The following TTC39B variants were observed in gnomAD, a reference collection of about 807,000 sequenced individuals.
The protein encoded by TTC39B is tetratricopeptide repeat protein 39B.
Under a neutral mutation model 96.6 loss-of-function variants are expected in TTC39B, and 92 were observed. The ratio of observed to expected loss-of-function variants is 0.95; its 90% confidence interval spans 0.80 to 1.13. The LOEUF is 1.13. Ranked by LOEUF, TTC39B falls within the 50% of genes most tolerant of loss-of-function variation. The pLI is 0.00. For synonymous variants in TTC39B, 367 were observed against 299.4 expected (o/e 1.23, Z -2.33); for missense variants, 955 against 809.3 (o/e 1.18, Z -2.18).
At chr9:15,249,983 T>C in intron 2 of TTC39B, 1 of 1,287,098 alleles carries the variant, frequency 7.8e-7, no homozygotes, top group Non-Finnish European at 1.0e-6. Context: ...TCTTTCCCTC[T>C]CTTCTACCAG....
intron 2 of TTC39B, among the ~76,000 whole-genome samples, chr9:15,233,731 C>G (rs1477283019): frequency 6.6e-6 from 1 of 152,206 alleles, no homozygotes; most frequent in Non-Finnish European, 1.5e-5. Context: ...AGCCGCCTGC[C>G]TTGGCCTCCC....
intron 1 of TTC39B, among the ~76,000 whole-genome samples, chr9:15,303,882 G>A (rs1053198899): frequency 1.3e-5 from 2 of 151,988 alleles, no homozygotes; most frequent in African/African-American, 4.8e-5. Context: ...TGATCCACCC[G>A]CCTCAGCCTC....
intron 2 of TTC39B, among the ~76,000 whole-genome samples, chr9:15,235,864 G>A (rs748925840): frequency 2.6e-5 from 4 of 152,220 alleles, no homozygotes; most frequent in Non-Finnish European, 2.9e-5. Flanking sequence ...AAAAGAACAC[G>A]TAAGTGCAAA....
chr9:15,197,899 C>A (rs368329985), intron 8 of TTC39B, among the ~76,000 whole-genome samples: 36 of 152,012 alleles, frequency 2.4e-4, no homozygotes, highest in African/African-American at 8.4e-4. Context: ...CAAAAATAAG[C>A]TTGAAAAGAA....
At chr9:15,234,668 C>T (rs1368819071) in intron 2 of TTC39B, among the ~76,000 whole-genome samples, 2 of 152,072 alleles carry the variant, frequency 1.3e-5, no homozygotes, top group Admixed American at 1.3e-4. Context: ...GGAGACTTTT[C>T]ATTTTGTTCT....
chr9:15,213,280 T>C (rs1564352636), intron 4 of TTC39B, among the ~76,000 whole-genome samples: 1 of 152,034 alleles, frequency 6.6e-6, no homozygotes, highest in Non-Finnish European at 1.5e-5. Context: ...AGGTGGAGAT[T>C]GTGAGGCAAA....
At chr9:15,222,983 G>C (rs997381446) in intron 3 of TTC39B, among the ~76,000 whole-genome samples, 8 of 152,178 alleles carry the variant, frequency 5.3e-5, no homozygotes, top group African/African-American at 1.4e-4. Context: ...CCAGGGTGCA[G>C]AGTCTTTCCT....
chr9:15,182,187 C>G (rs947087243), intron 17 of TTC39B, 120 bp downstream of exon 17: 1 of 584,606 alleles, frequency 1.7e-6, no homozygotes, highest in African/African-American at 1.9e-5. Flanking sequence ...CCCTGCAGCT[C>G]AAGCTCTTTG....
At chr9:15,192,488 C>T (rs1818911986) in intron 9 of TTC39B, 102 bp downstream of exon 9, 1 of 874,106 alleles carries the variant, frequency 1.1e-6, no homozygotes, top group Admixed American at 2.3e-5. Context: ...GTCAACCAAC[C>T]CAAGGAAAGG....
chr9:15,262,454 T>A (rs930222549), intron 2 of TTC39B, among the ~76,000 whole-genome samples: 1 of 152,196 alleles, frequency 6.6e-6, no homozygotes. Context: ...TTTGTACATC[T>A]CTAATTTTTC....
rs144921032 is a variant in TTC39B, at chr9:15,188,048, T to C, written c.1318A>G (p.Ile440Val). The C allele has an allele frequency of 1.6e-4, 250 of 1,612,826 alleles. 1 individual carries two copies. In the African/African-American group the frequency reaches 3.0e-3, roughly 19 times the overall value. Residue 440 changes from isoleucine (I) to valine (V), a missense_variant, in exon 14 of 20, where the codon ATT becomes GTT. Ile to Val is a conservative substitution (Grantham distance 29). Coordinates refer to ENST00000512701, the Ensembl canonical transcript of TTC39B. ...ATCCAGTTTTGTTGGAAAACATTAA[T>C]CCACATTAGCTCCCAGTAGCAGAGA...
chr9:15,299,959 C>CA (rs1187057584), intron 1 of TTC39B, among the ~76,000 whole-genome samples: 1 of 146,862 alleles, frequency 6.8e-6, no homozygotes, highest in Non-Finnish European at 1.5e-5. Context: ...AAACAGCTGT[C>CA]AAAAAACAGG....
intron 3 of TTC39B, among the ~76,000 whole-genome samples, chr9:15,215,004 G>A (rs472622): frequency 0.12 from 18,978 of 152,184 alleles, 1,772 homozygotes; most frequent in African/African-American, 0.27. Flanking sequence ...GCTCATGCCC[G>A]GCACTTTAGG....
chr9:15,282,102 C>G (rs1456434763), intron 1 of TTC39B, among the ~76,000 whole-genome samples: 1 of 152,066 alleles, frequency 6.6e-6, no homozygotes, highest in African/African-American at 2.4e-5. Context: ...GCTTGGTGAA[C>G]CAATACTATC....
intron 1 of TTC39B, among the ~76,000 whole-genome samples, chr9:15,270,028 G>A (rs374836636): frequency 1.2e-4 from 19 of 152,162 alleles, no homozygotes; most frequent in African/African-American, 2.6e-4. Context: ...AATTAGCCAG[G>A]CATGGTGGTG....
At chr9:15,182,753 T>C (rs1818314283) in intron 16 of TTC39B, among the ~76,000 whole-genome samples, 1 of 152,224 alleles carries the variant, frequency 6.6e-6, no homozygotes, top group South Asian at 2.1e-4. Context: ...GTTGTTACTT[T>C]TAAGTAAAGA....
intron 14 of TTC39B, 69 bp downstream of exon 14, chr9:15,187,902 T>C: frequency 6.8e-7 from 1 of 1,463,004 alleles, no homozygotes. Context: ...GAGCAAACAG[T>C]CCTAAATGAA....
rs375036856 is a variant in TTC39B at position 15,250,413 on chromosome 9, G to GA, written c.275+17500dup. 3.9e-3 allele frequency among the ~76,000 whole-genome samples: 542 copies of GA among 139,816 alleles called. 1 individual carries two copies. The highest frequency in any genetic ancestry group is 5.0e-3 in the Non-Finnish European group (316 of 63,738). The allele number at this position is 139,816 out of a possible 152,430, so 91.7% of individuals were successfully genotyped here. A position where few individuals can be genotyped will look rare whatever the true frequency, so the allele number is the denominator to read the frequency against. On this transcript the variant is annotated intron_variant, in intron 2 of 19. Transcript: ENST00000512701. ...GTCCTATCTAAAAAGGGACAATTAA[G>GA]AAAAAAAAAAAAGAATGATCCCTTT... is the stretch of plus-strand genomic sequence containing the variant.
intron 17 of TTC39B, 55 bp from the exon 18 acceptor site, chr9:15,177,869 CTT>C (rs371656816): frequency 0.034 from 15,306 of 455,888 alleles, no homozygotes; most frequent in East Asian, 0.043. Context: ...TTTTTAAGAT[CTT>C]TTTTTTTTTT....
Sources: allele counts gnomAD v4.1 joint callset (sites outside exome capture counted in the v4.1 genomes callset), GRCh38; gene constraint gnomAD v4.1.1; transcripts MANE v1.5; gene names NCBI Gene and HGNC (gene_info 2026-07-23, HGNC 2026-07-21).